The following INSYN2B variants were observed in gnomAD, a reference collection of about 807,000 sequenced individuals.
The protein encoded by INSYN2B is protein INSYN2B.
Under a neutral mutation model 41.2 loss-of-function variants are expected in INSYN2B, and 16 were observed. The observed-to-expected ratio is 0.39, with a 90% CI of 0.26 to 0.59. INSYN2B has a LOEUF of 0.59. Among genes scored for constraint, INSYN2B ranks in the 20% least tolerant of loss-of-function variants. The pLI is 0.57. For missense variants in INSYN2B, 608 were observed against 646.4 expected (o/e 0.94, Z 0.64); for synonymous variants, 245 against 244.4 (o/e 1.00, Z -0.02).
intron 1 of INSYN2B, among the ~76,000 whole-genome samples, chr5:169,943,403 A>G (rs954750116): frequency 6.6e-6 from 1 of 152,100 alleles, no homozygotes; most frequent in Non-Finnish European, 1.5e-5. Context: ...TATTCTACAC[A>G]GGAATATGGC....
At chr5:169,951,113 C>T (rs949086543) in intron 1 of INSYN2B, among the ~76,000 whole-genome samples, 1 of 152,192 alleles carries the variant, frequency 6.6e-6, no homozygotes, top group Non-Finnish European at 1.5e-5. Flanking sequence ...ACGGTCCCCA[C>T]CAACCCTTTC....
intron 1 of INSYN2B, among the ~76,000 whole-genome samples, chr5:169,978,496 G>C (rs1018223635): frequency 6.6e-5 from 10 of 151,568 alleles, no homozygotes; most frequent in East Asian, 2.0e-4. Flanking sequence ...ATATCATGAT[G>C]ATGATGATGA....
intron 1 of INSYN2B, among the ~76,000 whole-genome samples, chr5:169,903,583 T>A (rs1384807972): frequency 6.6e-6 from 1 of 151,594 alleles, no homozygotes; most frequent in African/African-American, 2.4e-5. Context: ...AGAAGGGAAG[T>A]CACTTCAGGA....
At chr5:169,961,272 G>A (rs1041648306) in intron 1 of INSYN2B, among the ~76,000 whole-genome samples, 1 of 152,120 alleles carries the variant, frequency 6.6e-6, no homozygotes, top group Non-Finnish European at 1.5e-5. Flanking sequence ...TCAGAGTTCT[G>A]GTATCTGTGA....
At chr5:169,974,906 A>C (rs928681948) in intron 1 of INSYN2B, among the ~76,000 whole-genome samples, 8 of 151,886 alleles carry the variant, frequency 5.3e-5, no homozygotes, top group Non-Finnish European at 1.2e-4. Context: ...TGTGCCATTA[A>C]AAACTGGGGT....
At chr5:169,925,122 C>G (rs1256413974) in intron 1 of INSYN2B, among the ~76,000 whole-genome samples, 3 of 152,086 alleles carry the variant, frequency 2.0e-5, no homozygotes, top group Non-Finnish European at 4.4e-5. Context: ...TTCATCTGTT[C>G]TTTTTATGGA....
chr5:169,886,592 T>C (rs1226742940), intron 1 of INSYN2B, among the ~76,000 whole-genome samples: 1 of 152,240 alleles, frequency 6.6e-6, no homozygotes, highest in Non-Finnish European at 1.5e-5. Flanking sequence ...CAACTCACTG[T>C]TAAATGCTAT....
At chr5:169,905,718 T>G (rs184509853) in intron 1 of INSYN2B, among the ~76,000 whole-genome samples, 2 of 152,172 alleles carry the variant, frequency 1.3e-5, no homozygotes, top group African/African-American at 4.8e-5. Context: ...GGCCACTAAA[T>G]GGCAGCGTCT....
At chr5:169,900,196 G>A (rs1773844584) in intron 1 of INSYN2B, among the ~76,000 whole-genome samples, 1 of 152,182 alleles carries the variant, frequency 6.6e-6, no homozygotes, top group Non-Finnish European at 1.5e-5. Context: ...TAAGACGCAA[G>A]CTTTAAGCAA....
intron 1 of INSYN2B, among the ~76,000 whole-genome samples, chr5:169,885,541 A>C (rs1772924720): frequency 6.6e-6 from 1 of 152,230 alleles, no homozygotes; most frequent in South Asian, 2.1e-4. Flanking sequence ...ATTGCTTTTC[A>C]GGAGATAAAT....
At chr5:169,892,987 G>T (rs934734799) in intron 1 of INSYN2B, among the ~76,000 whole-genome samples, 6 of 151,320 alleles carry the variant, frequency 4.0e-5, no homozygotes, top group Non-Finnish European at 8.8e-5. Context: ...CACCTTTCTT[G>T]CCCTCCTCTT....
At chr5:169,926,323 A>G (rs1263802445) in intron 1 of INSYN2B, among the ~76,000 whole-genome samples, 2 of 152,192 alleles carry the variant, frequency 1.3e-5, no homozygotes, top group Non-Finnish European at 2.9e-5. Flanking sequence ...ATAGGATGGC[A>G]CTGTTCTTAC....
intron 1 of INSYN2B, among the ~76,000 whole-genome samples, chr5:169,962,878 A>G (rs1777148724): frequency 6.6e-6 from 1 of 152,152 alleles, no homozygotes; most frequent in African/African-American, 2.4e-5. Flanking sequence ...TGCCCAGAAC[A>G]GAGAAAGCCT....
At chr5:169,948,937 G>A (rs1452861019) in intron 1 of INSYN2B, among the ~76,000 whole-genome samples, 1 of 151,144 alleles carries the variant, frequency 6.6e-6, no homozygotes, top group African/African-American at 2.4e-5. Context: ...ACAAGCATTT[G>A]TGAAATTATC....
At chr5:169,879,976 CT>C (rs1772543700) in intron 3 of INSYN2B, among the ~76,000 whole-genome samples, 1 of 152,142 alleles carries the variant, frequency 6.6e-6, no homozygotes, top group Admixed American at 6.6e-5. Flanking sequence ...ATTAATTCTT[CT>C]TGTTTATGAT....
intron 1 of INSYN2B, among the ~76,000 whole-genome samples, chr5:169,950,498 T>C (rs896130004): frequency 1.1e-4 from 16 of 152,176 alleles, no homozygotes; most frequent in African/African-American, 3.9e-4. Context: ...GTTGAGAGGC[T>C]TGAGTTTTGG....
In INSYN2B at chr5:169,883,739, C is replaced by G; in HGVS notation, c.160G>C (p.Val54Leu). 6.4e-7 allele frequency: 1 copy of G among 1,551,612 alleles called. No individual in the cohort carries two copies. The highest frequency in any genetic ancestry group is 8.7e-7 in the Non-Finnish European group (1 of 1,146,942). The change falls in exon 2 of 4, where the codon GTT becomes CTT. Residue 54 changes from valine to leucine, a missense_variant. Physicochemically the swap from Val to Leu is conservative, Grantham distance 32 (BLOSUM62 1). Coordinates refer to ENST00000377365, the MANE Select transcript of INSYN2B (RefSeq NM_001129891.3). ...GGGTCTTCTGGAGTTTGGACGTCAA[C>G]CTCAGCTAGGCCAGTTGGATTCTTA... ...TTKNPTGLAE[V>L]DVQTPEDPAV... is the part of the protein sequence containing the mutation.
At chr5:169,972,094 T>C (rs993643871) in intron 1 of INSYN2B, among the ~76,000 whole-genome samples, 1 of 152,226 alleles carries the variant, frequency 6.6e-6, no homozygotes, top group Non-Finnish European at 1.5e-5. Flanking sequence ...ATTAATCAAA[T>C]TATAAAATAA....
chr5:169,959,971 A>G (rs927262511), intron 1 of INSYN2B, among the ~76,000 whole-genome samples: 3 of 152,350 alleles, frequency 2.0e-5, no homozygotes, highest in Admixed American at 6.5e-5. Context: ...ATAAGAGTAA[A>G]TAGGTTAAAT....
Sources: allele counts gnomAD v4.1 joint callset (sites outside exome capture counted in the v4.1 genomes callset), GRCh38; gene constraint gnomAD v4.1.1; transcripts MANE v1.5; gene names NCBI Gene and HGNC (gene_info 2026-07-23, HGNC 2026-07-21).